ARMC8: variants seen among roughly 807,000 people sequenced by gnomAD.
ARMC8 encodes armadillo repeat-containing protein 8.
A neutral mutation model predicts 99.3 loss-of-function variants in ARMC8; 20 were observed. That is an observed-to-expected ratio of 0.20 (90% CI 0.14 to 0.29). ARMC8 has a LOEUF of 0.29. ARMC8 is among the 10% of genes least tolerant of loss of function. The probability of loss-of-function intolerance (pLI) is 1.00; values close to 1 mark genes in which losing one functional copy is unlikely to be tolerated. For synonymous variants in ARMC8, 263 were observed against 278.3 expected, an observed-to-expected ratio of 0.95 and a Z score of 0.55; for missense variants, 569 against 809.5, an observed-to-expected ratio of 0.70 and a Z score of 3.60.
rs71146118 is a variant in ARMC8 at position 138,205,060 on chromosome 3, C to CTTTTTTTTT, written c.46-4739_46-4731dup. ...AACTCAGTCTCTTTTCTTTTCTTTT[C>CTTTTTTTTT]TTTTTTTTTTTTTTTTTTTTTTTTT... On this transcript the variant is annotated intron_variant, in intron 1 of 21. Transcript: ENST00000469044. 1.1e-3 allele frequency among the ~76,000 whole-genome samples: 107 copies of CTTTTTTTTT among 93,218 alleles called. 1 individual carries two copies. The highest frequency in any genetic ancestry group is 2.1e-3 in the African/African-American group (48 of 22,578). The allele number at this position is 93,218 out of a possible 152,430, so 61.2% of individuals were successfully genotyped here.
chr3:138,201,716 C>A (rs1033599502), intron 1 of ARMC8, among the ~76,000 whole-genome samples: 1 of 152,152 alleles, frequency 6.6e-6, no homozygotes, highest in Non-Finnish European at 1.5e-5. Context: ...GCCTCGGTCT[C>A]CCAAAGTGCT....
At chr3:138,191,860 AT>A (rs2043403965) in intron 1 of ARMC8, among the ~76,000 whole-genome samples, 1 of 152,162 alleles carries the variant, frequency 6.6e-6, no homozygotes. Flanking sequence ...GTTAAGTAGT[AT>A]TTCATGGTGT....
rs760718098 is a variant in ARMC8, at chr3:138,241,736, CT to C, written c.838-43del. 4.5e-6 allele frequency: 7 copies of C among 1,556,090 alleles called. No homozygotes were observed. In the African/African-American group the frequency reaches 8.1e-5, roughly 18 times the overall value. On this transcript the variant is annotated intron_variant, in intron 10 of 21. Transcript: ENST00000469044. ...TTGATTCAGTCACTATATGCTTAAG[CT>C]TTTACCTTTACCAAAAAGCAAATAA...
intron 1 of ARMC8, among the ~76,000 whole-genome samples, chr3:138,192,680 A>G (rs1241537682): frequency 6.6e-6 from 1 of 152,064 alleles, no homozygotes; most frequent in African/African-American, 2.4e-5. Flanking sequence ...CCTTCCAAGT[A>G]GCTGGGACTA....
At chr3:138,289,225 G>C in intron 20 of ARMC8, 105 bp downstream of exon 20, 1 of 866,372 alleles carries the variant, frequency 1.2e-6, no homozygotes, top group Non-Finnish European at 1.8e-6. Context: ...CTCTGTTCTT[G>C]GACCATCTGG....
At chr3:138,190,061 A>G (rs1275920492) in intron 1 of ARMC8, among the ~76,000 whole-genome samples, 1 of 151,060 alleles carries the variant, frequency 6.6e-6, no homozygotes, top group African/African-American at 2.4e-5. Flanking sequence ...ACCCTCATTC[A>G]GGACTTTGTT....
intron 12 of ARMC8, among the ~76,000 whole-genome samples, chr3:138,256,659 C>T (rs747909286): frequency 6.6e-6 from 1 of 152,094 alleles, no homozygotes; most frequent in African/African-American, 2.4e-5. Context: ...ATCTGCCCGC[C>T]TCGGCCTCCC....
chr3:138,241,809 C>T lies in ARMC8; in HGVS notation c.864C>T (p.Cys288=). 1.9e-6 allele frequency: 3 copies of T among 1,613,918 alleles called. No individual in the cohort carries two copies. Among genetic ancestry groups the T allele is most frequent in the Non-Finnish European group, 2.5e-6 (3 of 1,179,952 alleles). Residue 288 remains cysteine (C), a synonymous_variant, in exon 11 of 22, where the codon TGC becomes TGT. Coordinates refer to ENST00000469044, the MANE Select transcript of ARMC8 (RefSeq NM_001363941.2). Reference sequence around the variant, plus strand: ...CATTACCTTGTTTGGTTCGAATGTGCAGTAAGGAGAGATTACTAGAGGAGA... The same window carrying T: ...CATTACCTTGTTTGGTTCGAATGTGTAGTAAGGAGAGATTACTAGAGGAGA... ...LKTLPCLVRM[C]SKERLLEERV...
intron 16 of ARMC8, among the ~76,000 whole-genome samples, chr3:138,272,498 A>G (rs550549050): frequency 6.6e-6 from 1 of 152,384 alleles, no homozygotes; most frequent in Admixed American, 6.5e-5. Flanking sequence ...CTTGACGGAC[A>G]GAAATATAGG....
rs994584389 is a variant in ARMC8, at chr3:138,263,742, A to G, written c.1138A>G (p.Ile380Val). 4 of 1,613,552 alleles carry G rather than the reference A, an allele frequency of 2.5e-6. No homozygotes were observed. The highest frequency in any genetic ancestry group is 3.4e-6 in the Non-Finnish European group (4 of 1,179,558). The change falls in exon 13 of 22, where the codon ATT becomes GTT. Residue 380 changes from isoleucine to valine, a missense_variant. By Grantham distance (29) the Ile-to-Val change is conservative (BLOSUM62 3). Transcript: ENST00000469044. ...ANDEDIRKKI[I>V]ETENMMDRIV... ...CAGCATTAACCTTTTTCTCCAGATC[A>G]TTGAGACTGAAAATATGATGGACCG...
chr3:138,200,250 C>G (rs978379731), intron 1 of ARMC8, among the ~76,000 whole-genome samples: 1 of 152,152 alleles, frequency 6.6e-6, no homozygotes, highest in Non-Finnish European at 1.5e-5. Context: ...AATTAAGTAA[C>G]GGTATGTTTG....
In ARMC8 at chr3:138,288,981, C is replaced by T. The variant is rs1004092097; in HGVS notation, c.1822-67C>T. 32 of 1,354,746 alleles carry T rather than the reference C, an allele frequency of 2.4e-5. No individual in the cohort carries two copies. The Admixed American group carries it at 6.1e-4, about 26-fold the overall frequency. 83.9% of individuals were successfully genotyped at this position (1,354,746 alleles called of 1,614,324 possible). Reference sequence around the variant, plus strand: ...TATAGGAATTGGCTATGGTAGGTCCCCCCAAAAAAAAATCTAAAATGAGAT... The same window carrying T: ...TATAGGAATTGGCTATGGTAGGTCCTCCCAAAAAAAAATCTAAAATGAGAT... On this transcript the variant is annotated intron_variant, in intron 19 of 21. Coordinates refer to ENST00000469044, the MANE Select transcript of ARMC8 (RefSeq NM_001363941.2).
chr3:138,246,923 A>G (rs907336826), intron 12 of ARMC8: 10 of 792,504 alleles, frequency 1.3e-5, no homozygotes, highest in Non-Finnish European at 1.5e-5. Flanking sequence ...ATACTGTGAT[A>G]TTATGTAATG....
intron 1 of ARMC8, among the ~76,000 whole-genome samples, chr3:138,204,927 A>G (rs1047246054): frequency 2.6e-5 from 4 of 151,994 alleles, no homozygotes; most frequent in Non-Finnish European, 4.4e-5. Context: ...TGACATCCTC[A>G]CTTGGATGTC....
At position 138,221,152 on chromosome 3, in the gene ARMC8, A is replaced by G. The variant is rs914235080; in HGVS notation, c.123-774A>G. ...TAGAGTTTTGCTCCTGGTGAAGTAT[A>G]GAGCTCTGTATAGCTAGAATAAAAA... On this transcript the variant is annotated intron_variant, in intron 2 of 21. Coordinates refer to ENST00000469044, the MANE Select transcript of ARMC8 (RefSeq NM_001363941.2). 2.0e-5 allele frequency among the ~76,000 whole-genome samples: 3 copies of G among 152,258 alleles called. 1 individual carries two copies. Among genetic ancestry groups the G allele is most frequent in the African/African-American group, 7.2e-5 (3 of 41,472 alleles).
intron 20 of ARMC8, 45 bp from the exon 21 acceptor site, chr3:138,290,501 A>G (rs2050834620): frequency 7.1e-7 from 1 of 1,402,770 alleles, no homozygotes; most frequent in Non-Finnish European, 9.9e-7. Context: ...CAAAGAGAGC[A>G]TTTGCCTGGG....
At chr3:138,241,461 G>C (rs544277425) in intron 10 of ARMC8, among the ~76,000 whole-genome samples, 1 of 152,276 alleles carries the variant, frequency 6.6e-6, no homozygotes, top group Middle Eastern at 3.4e-3. Context: ...CATCAGACAT[G>C]ATTTGTTAGG....
At chr3:138,275,558 C>CAA (rs1260591641) in intron 18 of ARMC8, among the ~76,000 whole-genome samples, 2 of 138,990 alleles carry the variant, frequency 1.4e-5, no homozygotes, top group Admixed American at 7.2e-5. Context: ...GACTCTGTCT[C>CAA]AAAAAAAAAA....
intron 6 of ARMC8, among the ~76,000 whole-genome samples, chr3:138,230,326 G>A (rs545666232): frequency 6.6e-6 from 1 of 152,250 alleles, no homozygotes; most frequent in Non-Finnish European, 1.5e-5. Flanking sequence ...GCAAGTTGAG[G>A]AAGATGCTCC....
Sources: allele counts gnomAD v4.1 joint callset (sites outside exome capture counted in the v4.1 genomes callset), GRCh38; gene constraint gnomAD v4.1.1; transcripts MANE v1.5; gene names NCBI Gene and HGNC (gene_info 2026-07-23, HGNC 2026-07-21).